The following STX6 variants were observed in gnomAD, a reference collection of about 807,000 sequenced individuals.
STX6 encodes the protein syntaxin 6, also known as syntaxin-6.
A neutral mutation model predicts 38.0 loss-of-function variants in STX6; 23 were observed. The observed-to-expected ratio is 0.60, with a 90% CI of 0.43 to 0.86. The LOEUF (loss-of-function observed/expected upper bound fraction) is 0.86, where lower values mean the gene tolerates loss of function less well. Among genes scored for constraint, STX6 ranks in the 40% least tolerant of loss-of-function variants. STX6 has a pLI of 0.00. For synonymous variants in STX6, 123 were observed against 107.5 expected (o/e 1.14, Z -0.89); for missense variants, 274 against 312.9 (o/e 0.88, Z 0.94).
At chr1:181,009,877 G>C (rs1376972485) in intron 1 of STX6, among the ~76,000 whole-genome samples, 1 of 151,850 alleles carries the variant, frequency 6.6e-6, no homozygotes, top group East Asian at 1.9e-4. Flanking sequence ...ATGTATAACA[G>C]AATACTATTC....
chr1:180,997,299 C>T (rs749789061), intron 3 of STX6, among the ~76,000 whole-genome samples: 1 of 152,184 alleles, frequency 6.6e-6, no homozygotes, highest in East Asian at 1.9e-4. Context: ...CTGGGTAATA[C>T]AGGACCCACT....
At chr1:180,986,114 T>C (rs1655574856) in intron 6 of STX6, among the ~76,000 whole-genome samples, 1 of 152,260 alleles carries the variant, frequency 6.6e-6, no homozygotes, top group African/African-American at 2.4e-5. Context: ...CTTTTCATAC[T>C]GAAGACAAAA....
chr1:180,986,907 T>C (rs111962302), intron 6 of STX6, among the ~76,000 whole-genome samples: 25 of 152,300 alleles, frequency 1.6e-4, no homozygotes, highest in African/African-American at 5.8e-4. Flanking sequence ...AACTGAACTT[T>C]AGGGTCAGGA....
chr1:181,011,845 T>G (rs900785709), intron 1 of STX6, among the ~76,000 whole-genome samples: 14 of 152,184 alleles, frequency 9.2e-5, no homozygotes, highest in African/African-American at 3.4e-4. Flanking sequence ...GCACTTCACT[T>G]TGGGAGGAGC....
chr1:181,018,411 A>G (rs1656627143), intron 1 of STX6, among the ~76,000 whole-genome samples: 1 of 148,086 alleles, frequency 6.8e-6, no homozygotes, highest in African/African-American at 2.5e-5. Context: ...AAAAAAAAAA[A>G]AAAGAAAAGA....
rs1024599001 is a variant in STX6, at chr1:180,973,934, A to G, written c.*2636T>C. The stretch of plus-strand genomic sequence containing the variant: ...ACTGGAATATGGTACTAGGTACAGA[A>G]GGCTAAAGGGGTAGGAAAGCCCCAA... On this transcript the variant is annotated 3_prime_UTR_variant, in exon 8 of 8. Coordinates refer to ENST00000258301, the MANE Select transcript of STX6 (RefSeq NM_005819.6). 6.6e-6 allele frequency: 1 copy of G among 152,240 alleles called. No homozygotes were observed. Among genetic ancestry groups the G allele is most frequent in the Non-Finnish European group, 1.5e-5 (1 of 68,040 alleles). The allele number at this position is 152,240 out of a possible 1,614,324, so 9.4% of individuals were successfully genotyped here.
Position 181,017,396 on chromosome 1 carries a change from AAAAC to A in STX6, c.35+5239_35+5242del, listed in dbSNP as rs563556901. 3.7e-3 allele frequency among the ~76,000 whole-genome samples: 556 copies of A among 152,198 alleles called. 1 individual carries two copies. Among genetic ancestry groups the A allele is most frequent in the Non-Finnish European group, 5.0e-3 (337 of 67,996 alleles). On this transcript the variant is annotated intron_variant, in intron 1 of 7. Transcript: ENST00000258301. ...CAACAGAGTGAGACTCCGTCTCAAA[AAAAC>A]AAACAAACAAACAAACAAAAAACTA...
chr1:180,974,549 A>T lies in STX6; in HGVS notation c.*2021T>A, dbSNP rs1220900444. ...TTTTGTGTGGCACAATAAATCTGGT[A>T]ATAGCAGAACAATAGCATGGCTTTT... On this transcript the variant is annotated 3_prime_UTR_variant, in exon 8 of 8. Coordinates refer to ENST00000258301, the MANE Select transcript of STX6 (RefSeq NM_005819.6). 6.6e-6 allele frequency: 1 copy of T among 152,666 alleles called. No homozygotes were observed. The highest frequency in any genetic ancestry group is 1.5e-5 in the Non-Finnish European group (1 of 68,044). The allele number at this position is 152,666 out of a possible 1,614,324, so 9.5% of individuals were successfully genotyped here. A position where few individuals can be genotyped will look rare whatever the true frequency, so the allele number is the denominator to read the frequency against.
intron 1 of STX6, among the ~76,000 whole-genome samples, chr1:181,011,534 T>C (rs1322842920): frequency 2.0e-5 from 3 of 152,224 alleles, no homozygotes; most frequent in East Asian, 1.9e-4. Context: ...CACCTAATAA[T>C]GTACAAATCT....
Position 180,984,702 on chromosome 1 carries a change from A to G in STX6, c.666T>C (p.Leu222=). The change falls in exon 7 of 8, where the codon CTT becomes CTC. Residue 222 remains leucine, a synonymous_variant. Transcript: ENST00000258301. ...CACTGGTCATATGAGATACTTTTGC[A>G]AGTTTCTTCATCACATTGTCCAGCC... ...QSRLDNVMKK[L]AKVSHMTSDR... 1 of 1,581,188 alleles carries G rather than the reference A, an allele frequency of 6.3e-7. No homozygotes were observed. The highest frequency in any genetic ancestry group is 8.7e-7 in the Non-Finnish European group (1 of 1,150,398).
intron 1 of STX6, among the ~76,000 whole-genome samples, chr1:181,013,395 T>C (rs944453113): frequency 4.6e-5 from 7 of 152,196 alleles, no homozygotes; most frequent in Non-Finnish European, 7.3e-5. Flanking sequence ...CACAGCTCAC[T>C]GTAATCTCGA....
chr1:180,989,938 T>G (rs754518919), intron 5 of STX6, 46 bp downstream of exon 5: 1 of 1,608,490 alleles, frequency 6.2e-7, no homozygotes. Flanking sequence ...TAAGGGGGTG[T>G]CTTGTTTCCC....
intron 3 of STX6, among the ~76,000 whole-genome samples, chr1:181,001,880 C>T (rs1424756211): frequency 2.6e-5 from 4 of 152,164 alleles, no homozygotes; most frequent in Non-Finnish European, 4.4e-5. Flanking sequence ...TTTTTGCTCT[C>T]GGAAATAAGC....
At chr1:181,001,174 A>G (rs534321580) in intron 3 of STX6, among the ~76,000 whole-genome samples, 1 of 152,282 alleles carries the variant, frequency 6.6e-6, no homozygotes, top group African/African-American at 2.4e-5. Context: ...ACCATTTGAA[A>G]TAATTTCAAA....
intron 1 of STX6, among the ~76,000 whole-genome samples, chr1:181,010,818 GA>G (rs1314324049): frequency 4.6e-5 from 7 of 152,112 alleles, no homozygotes; most frequent in Non-Finnish European, 2.9e-5. Context: ...ATATTATCAT[GA>G]AAAGAGTTTT....
In STX6 at chr1:180,974,004, T is replaced by A. The variant is rs909629293; in HGVS notation, c.*2566A>T. ...ATAAGCAGTGTGGGGTTATCACCAC[T>A]GTCTACTTACTCTCCCATTCTAGGA... is the stretch of plus-strand genomic sequence containing the variant. On this transcript the variant is annotated 3_prime_UTR_variant, in exon 8 of 8. Coordinates refer to ENST00000258301, the MANE Select transcript of STX6 (RefSeq NM_005819.6). 6.6e-6 allele frequency: 1 copy of A among 152,238 alleles called. No homozygotes were observed. Among genetic ancestry groups the A allele is most frequent in the Non-Finnish European group, 1.5e-5 (1 of 68,042 alleles). 9.4% of individuals were successfully genotyped at this position (152,238 alleles called of 1,614,324 possible).
At position 180,993,334 on chromosome 1, in the gene STX6, T is replaced by C. The variant is rs367568692; in HGVS notation, c.363+29A>G. Reference sequence around the variant, plus strand: ...ATATCTAACTGTATGCTTTCTGTCATTGATAATTATATTCTGATGTTTTCT... The same window carrying C: ...ATATCTAACTGTATGCTTTCTGTCACTGATAATTATATTCTGATGTTTTCT... On this transcript the variant is annotated intron_variant, in intron 4 of 7. Transcript: ENST00000258301. The C allele has an allele frequency of 2.2e-5, 28 of 1,282,806 alleles. No homozygotes were observed. In the African/African-American group the frequency reaches 3.8e-4, roughly 17 times the overall value. The allele number at this position is 1,282,806 out of a possible 1,614,324, so 79.5% of individuals were successfully genotyped here.
chr1:180,997,920 G>C (rs1396213899), intron 3 of STX6, among the ~76,000 whole-genome samples: 1 of 152,176 alleles, frequency 6.6e-6, no homozygotes, highest in Non-Finnish European at 1.5e-5. Flanking sequence ...GGAGAACGAA[G>C]AGGCATTTTC....
rs760093880 is a variant in STX6, at chr1:181,022,702, C to A, written c.-29G>T. The A allele has an allele frequency of 6.3e-7, 1 of 1,596,890 alleles. No homozygotes were observed. Among genetic ancestry groups the A allele is most frequent in the Non-Finnish European group, 8.5e-7 (1 of 1,173,232 alleles). ...GTCCCGGCCCCGGCCGCCTTCACCT[C>A]CTCCGCGCACAGGGCGCCCGTGCCT... On this transcript the variant is annotated 5_prime_UTR_variant, in exon 1 of 8. Transcript: ENST00000258301.
Sources: gnomAD v4.1 joint callset for allele counts (sites outside exome capture counted in the v4.1 genomes callset) on GRCh38, gnomAD v4.1.1 for gene constraint, MANE v1.5 for transcripts, NCBI Gene and HGNC (gene_info 2026-07-23, HGNC 2026-07-21) for gene names.